The following TRMT11 variants were observed in gnomAD, a reference collection of about 807,000 sequenced individuals.
The protein encoded by TRMT11 is tRNA (guanine(10)-N(2))-methyltransferase TRMT11.
Under a neutral mutation model 62.8 loss-of-function variants are expected in TRMT11, and 53 were observed. The observed-to-expected ratio is 0.84, with a 90% CI of 0.68 to 1.06. The LOEUF (loss-of-function observed/expected upper bound fraction) is 1.06, where lower values mean the gene tolerates loss of function less well. TRMT11 is among the 50% of genes least tolerant of loss of function. TRMT11 has a pLI of 0.00. For synonymous variants in TRMT11, 188 were observed against 190.3 expected (o/e 0.99, Z 0.10); for missense variants, 556 against 553.4 (o/e 1.00, Z -0.05).
At chr6:125,994,595 A>G (rs1162237907) in intron 2 of TRMT11, among the ~76,000 whole-genome samples, 1 of 152,022 alleles carries the variant, frequency 6.6e-6, no homozygotes, top group Admixed American at 6.6e-5. Flanking sequence ...ATATTGGAAG[A>G]AAAAAAACGG....
At chr6:126,106,407 A>C (rs1039429603) in intron 17 of TRMT11, among the ~76,000 whole-genome samples, 3 of 152,168 alleles carry the variant, frequency 2.0e-5, no homozygotes, top group Non-Finnish European at 4.4e-5. Flanking sequence ...GGCCTCCCAA[A>C]GTGCTAGGAT....
intron 21 of TRMT11, among the ~76,000 whole-genome samples, chr6:126,166,830 A>G (rs1035336616): frequency 2.0e-5 from 3 of 152,110 alleles, no homozygotes; most frequent in Non-Finnish European, 4.4e-5. Flanking sequence ...GAATCTAGAG[A>G]GGCAGTGTAG....
chr6:126,088,245 T>C (rs1261639962), intron 17 of TRMT11, among the ~76,000 whole-genome samples: 2 of 152,178 alleles, frequency 1.3e-5, no homozygotes, highest in Non-Finnish European at 2.9e-5. Flanking sequence ...TTCAAAACTA[T>C]TAATGGAAAC....
chr6:126,019,137 C>T (rs1795436081), intron 11 of TRMT11, among the ~76,000 whole-genome samples: 1 of 152,192 alleles, frequency 6.6e-6, no homozygotes, highest in Non-Finnish European at 1.5e-5. Context: ...GCCTTGGCCT[C>T]CCAAAGCACT....
intron 17 of TRMT11, among the ~76,000 whole-genome samples, chr6:126,074,829 A>G (rs1026881928): frequency 6.6e-6 from 1 of 152,204 alleles, no homozygotes; most frequent in Non-Finnish European, 1.5e-5. Context: ...AAAAAGAACA[A>G]ATAATTAAAC....
At chr6:126,050,870 A>G (rs1168946471) in intron 16 of TRMT11, among the ~76,000 whole-genome samples, 1 of 152,224 alleles carries the variant, frequency 6.6e-6, no homozygotes, top group East Asian at 1.9e-4. Flanking sequence ...TTTTGTCCTC[A>G]TTGGTATGCT....
intron 12 of TRMT11, among the ~76,000 whole-genome samples, chr6:126,022,051 GTTTTTTTTTTTTTTTTTTT>G (rs10581882): frequency 1.9e-5 from 1 of 52,272 alleles, no homozygotes; most frequent in African/African-American, 8.2e-5. Context: ...TTTTTCCTTA[GTTTTTTTTTTTTTTTTTTT>G]TTTTTTTGAG....
chr6:126,145,187 G>T (rs768957239), intron 21 of TRMT11, among the ~76,000 whole-genome samples: 1 of 152,168 alleles, frequency 6.6e-6, no homozygotes, highest in Non-Finnish European at 1.5e-5. Context: ...TTGCAACCTG[G>T]TGTGAATCAA....
At chr6:126,035,224 C>T (rs1028873950) in intron 12 of TRMT11, among the ~76,000 whole-genome samples, 2 of 152,030 alleles carry the variant, frequency 1.3e-5, no homozygotes, top group Non-Finnish European at 1.5e-5. Flanking sequence ...CATAGACATA[C>T]TGAGTGTTTC....
chr6:126,044,016 C>T (rs1775967687), downstream of TRMT11, among the ~76,000 whole-genome samples: 1 of 151,634 alleles, frequency 6.6e-6, no homozygotes, highest in Non-Finnish European at 1.5e-5. Flanking sequence ...CCTGTTCACT[C>T]TGATGGTAGT....
upstream of TRMT11, among the ~76,000 whole-genome samples, chr6:126,176,012 A>T (rs1040197203): frequency 1.3e-5 from 2 of 152,214 alleles, no homozygotes; most frequent in Non-Finnish European, 2.9e-5. Flanking sequence ...CATTTAAAAA[A>T]GTTTTCAGTT....
rs1456691005 is a variant in TRMT11, at chr6:126,192,748, T to G, written n.144-6051T>G. On this transcript the variant is annotated intron_variant and non_coding_transcript_variant, in intron 1 of 3. Coordinates refer to the TRMT11 transcript ENST00000444229. ...TGTTGATATGATGTATCATGTTTAT[T>G]GATTTGATTATGTTGAACCATGCTT... is the stretch of plus-strand genomic sequence containing the variant. 2.0e-5 allele frequency among the ~76,000 whole-genome samples: 3 copies of G among 152,226 alleles called. No homozygotes were observed. The East Asian group carries it at 5.8e-4, about 29-fold the overall frequency.
chr6:126,229,804 A>G, the TRMT11 span, among the ~76,000 whole-genome samples: 1 of 152,180 alleles, frequency 6.6e-6, no homozygotes, highest in African/African-American at 2.4e-5. Flanking sequence ...TTAACCTTCA[A>G]TCCTTTCATG....
the TRMT11 span, among the ~76,000 whole-genome samples, chr6:126,218,203 G>A: frequency 2.0e-5 from 3 of 152,182 alleles, no homozygotes; most frequent in African/African-American, 7.2e-5. Flanking sequence ...CCCAGTTGGT[G>A]CTCTGCCCCA....
the TRMT11 span, among the ~76,000 whole-genome samples, chr6:126,228,969 A>T: frequency 7.9e-5 from 12 of 152,292 alleles, no homozygotes; most frequent in African/African-American, 2.9e-4. Flanking sequence ...TGGCTATTAT[A>T]GTAAAAAAAA....
chr6:126,185,249 T>C (rs1368881951), intron 1 of TRMT11, among the ~76,000 whole-genome samples: 1 of 152,186 alleles, frequency 6.6e-6, no homozygotes, highest in African/African-American at 2.4e-5. Flanking sequence ...AGGACTAGTA[T>C]AGATAAGCTG....
intron 11 of TRMT11, among the ~76,000 whole-genome samples, chr6:126,019,747 G>A (rs1265562053): frequency 6.6e-6 from 1 of 151,878 alleles, no homozygotes; most frequent in Non-Finnish European, 1.5e-5. Context: ...CTCCAGCCTC[G>A]GCAACAGAGC....
intron 1 of TRMT11, among the ~76,000 whole-genome samples, chr6:126,178,357 G>A (rs919517670): frequency 6.6e-6 from 1 of 152,144 alleles, no homozygotes; most frequent in Non-Finnish European, 1.5e-5. Flanking sequence ...CCCAGACACT[G>A]AGGCTGAGGC....
intron 11 of TRMT11, among the ~76,000 whole-genome samples, chr6:126,018,722 G>A (rs1795354245): frequency 6.6e-6 from 1 of 152,000 alleles, no homozygotes; most frequent in Non-Finnish European, 1.5e-5. Flanking sequence ...AACTTGGATT[G>A]TAGGGGGATA....
Sources: gnomAD v4.1 joint callset for allele counts (sites outside exome capture counted in the v4.1 genomes callset) on GRCh38, gnomAD v4.1.1 for gene constraint, MANE v1.5 for transcripts, NCBI Gene and HGNC (gene_info 2026-07-23, HGNC 2026-07-21) for gene names.